SLC4A10: variants seen among roughly 807,000 people sequenced by gnomAD.
The protein encoded by SLC4A10 is sodium-driven chloride bicarbonate exchanger.
In SLC4A10, 42 loss-of-function variants were observed where a neutral mutation model predicts 137.7. The observed-to-expected ratio is 0.30, with a 90% CI of 0.24 to 0.39. The LOEUF is 0.39. SLC4A10 is among the 10% of genes least tolerant of loss of function. SLC4A10 has a pLI of 1.00. For synonymous variants in SLC4A10, 474 were observed against 464.1 expected, an observed-to-expected ratio of 1.02 and a Z score of -0.27; for missense variants, 925 against 1,355.0, an observed-to-expected ratio of 0.68 and a Z score of 4.98.
chr2:161,753,032 C>T (rs2049161286), intron 1 of SLC4A10, among the ~76,000 whole-genome samples: 1 of 151,936 alleles, frequency 6.6e-6, no homozygotes, highest in Non-Finnish European at 1.5e-5. Flanking sequence ...TTATATTTGT[C>T]ACTTAAATAA....
chr2:161,670,867 C>T (rs907236861), intron 1 of SLC4A10, among the ~76,000 whole-genome samples: 3 of 152,030 alleles, frequency 2.0e-5, no homozygotes, highest in Non-Finnish European at 4.4e-5. Flanking sequence ...CTTTTTCAGA[C>T]CACACTAAGT....
chr2:161,710,363 T>C (rs1438263222), intron 1 of SLC4A10, among the ~76,000 whole-genome samples: 3 of 151,796 alleles, frequency 2.0e-5, no homozygotes, highest in Admixed American at 6.6e-5. Context: ...AGCATTCTGC[T>C]ATTTTTCACT....
chr2:161,927,912 A>G (rs1689482598), intron 15 of SLC4A10, among the ~76,000 whole-genome samples: 1 of 151,956 alleles, frequency 6.6e-6, no homozygotes. Context: ...AAACACTTTT[A>G]CACTGTTGGT....
At chr2:161,631,795 T>G (rs2033607247) in intron 1 of SLC4A10, among the ~76,000 whole-genome samples, 1 of 151,700 alleles carries the variant, frequency 6.6e-6, no homozygotes, top group Admixed American at 6.6e-5. Flanking sequence ...TCATGTTGAA[T>G]TCCAAGTAGC....
intron 1 of SLC4A10, among the ~76,000 whole-genome samples, chr2:161,635,088 A>G (rs897587174): frequency 6.6e-6 from 1 of 152,094 alleles, no homozygotes; most frequent in Non-Finnish European, 1.5e-5. Flanking sequence ...TAAAGAACCA[A>G]GGGTCTTGGG....
intron 1 of SLC4A10, among the ~76,000 whole-genome samples, chr2:161,701,636 T>G (rs1278992176): frequency 1.3e-5 from 2 of 151,988 alleles, no homozygotes; most frequent in Non-Finnish European, 2.9e-5. Context: ...TTGTTGACTA[T>G]AATCTCCCTA....
intron 15 of SLC4A10, among the ~76,000 whole-genome samples, chr2:161,936,522 T>C (rs969147846): frequency 2.0e-5 from 3 of 152,154 alleles, no homozygotes; most frequent in African/African-American, 7.2e-5. Context: ...GTAGGTTATA[T>C]GTGTCTAGGA....
At chr2:161,703,241 A>C (rs184258844) in intron 1 of SLC4A10, among the ~76,000 whole-genome samples, 1 of 151,834 alleles carries the variant, frequency 6.6e-6, no homozygotes, top group Admixed American at 6.6e-5. Flanking sequence ...TTACACTGTT[A>C]TTTATAATAT....
chr2:161,926,386 GTTTTTT>G (rs1174458600), intron 15 of SLC4A10, among the ~76,000 whole-genome samples: 101 of 22,946 alleles, frequency 4.4e-3, no homozygotes, highest in Admixed American at 0.01. Flanking sequence ...CCTTTTTTTG[GTTTTTT>G]TTTTTTTTTT....
chr2:161,634,032 A>G (rs1358193835), intron 1 of SLC4A10, among the ~76,000 whole-genome samples: 1 of 151,826 alleles, frequency 6.6e-6, no homozygotes, highest in African/African-American at 2.4e-5. Context: ...TATTAACTAA[A>G]CTACCATATT....
At chr2:161,943,453 A>G (rs537457858) in intron 16 of SLC4A10, among the ~76,000 whole-genome samples, 8 of 152,122 alleles carry the variant, frequency 5.3e-5, no homozygotes, top group South Asian at 2.1e-4. Context: ...TTTTTCACCT[A>G]TAACAGTTCA....
At chr2:161,679,312 G>T (rs1052029661) in intron 1 of SLC4A10, among the ~76,000 whole-genome samples, 4 of 152,002 alleles carry the variant, frequency 2.6e-5, no homozygotes, top group African/African-American at 9.7e-5. Flanking sequence ...ATCATATTTT[G>T]CTTAAGGAGC....
chr2:161,906,127 A>G (rs1684287892), intron 15 of SLC4A10, among the ~76,000 whole-genome samples: 1 of 152,226 alleles, frequency 6.6e-6, no homozygotes, highest in African/African-American at 2.4e-5. Context: ...CTATTTGTCC[A>G]GTGTTCTCTA....
intron 2 of SLC4A10, among the ~76,000 whole-genome samples, chr2:161,790,282 C>G (rs2054060187): frequency 1.3e-5 from 2 of 152,180 alleles, no homozygotes; most frequent in South Asian, 4.1e-4. Flanking sequence ...GAAAGCCACT[C>G]TCCCATTGGA....
At chr2:161,867,073 C>T (rs988604092) in intron 6 of SLC4A10, among the ~76,000 whole-genome samples, 4 of 151,866 alleles carry the variant, frequency 2.6e-5, no homozygotes, top group African/African-American at 9.7e-5. Flanking sequence ...TACTGTTCAA[C>T]GCCATAAGTT....
rs1193367978 is a variant in SLC4A10 at position 161,964,151 on chromosome 2, A to C, written c.2879A>C (p.Lys960Thr). 1 of 1,609,498 alleles carries C rather than the reference A, an allele frequency of 6.2e-7. No individual in the cohort carries two copies. The highest frequency in any genetic ancestry group is 1.7e-5 in the Admixed American group (1 of 59,376). The change falls in exon 22 of 27, where the codon AAG (lysine) becomes ACG (threonine). Residue 960 changes from lysine to threonine, a missense_variant. Lys to Thr is a moderately conservative substitution (Grantham distance 78). Coordinates refer to ENST00000446997, the MANE Select transcript of SLC4A10 (RefSeq NM_001178015.2). ...LKGIQFFDRI[K>T]LFWMPAKHQP... The stretch of plus-strand genomic sequence containing the variant: ...ATCTTTTAGTTCTTTGATAGGATAA[A>C]GCTCTTCTGGATGCCGGCAAAACAT...
At position 161,985,155 on chromosome 2, in the gene SLC4A10, T is replaced by C. The variant is rs1700665155; in HGVS notation, c.*2003T>C. On this transcript the variant is annotated 3_prime_UTR_variant, in exon 27 of 27. Coordinates refer to ENST00000446997, the MANE Select transcript of SLC4A10 (RefSeq NM_001178015.2). ...TCAAAATTACTAAATATCTTGAATG[T>C]AATTTAGTGCCAAGTTTAAATAATG... is the stretch of plus-strand genomic sequence containing the variant. 6.6e-6 allele frequency: 1 copy of C among 152,084 alleles called. No individual in the cohort carries two copies. Among genetic ancestry groups the C allele is most frequent in the South Asian group, 2.1e-4 (1 of 4,832 alleles). The allele number at this position is 152,084 out of a possible 1,614,324, so 9.4% of individuals were successfully genotyped here.
intron 8 of SLC4A10, among the ~76,000 whole-genome samples, chr2:161,876,075 C>T (rs2061431663): frequency 6.6e-6 from 1 of 152,062 alleles, no homozygotes; most frequent in African/African-American, 2.4e-5. Flanking sequence ...GTTTCTCATC[C>T]ACAGATTAAG....
intron 5 of SLC4A10, among the ~76,000 whole-genome samples, chr2:161,857,821 T>C (rs2060190650): frequency 1.3e-5 from 2 of 152,122 alleles, no homozygotes; most frequent in South Asian, 2.1e-4. Context: ...AACAGATAAA[T>C]AGAAAGTTCT....
Sources: gnomAD v4.1 joint callset for allele counts (sites outside exome capture counted in the v4.1 genomes callset) on GRCh38, gnomAD v4.1.1 for gene constraint, MANE v1.5 for transcripts, NCBI Gene and HGNC (gene_info 2026-07-23, HGNC 2026-07-21) for gene names.